The following CSTF2T variants were observed in gnomAD, a reference collection of about 807,000 sequenced individuals.
The protein encoded by CSTF2T is CF-1 64 kDa subunit tau.
CSTF2T carries 18 observed loss-of-function variants against 39.9 expected under a neutral mutation model. The observed-to-expected ratio is 0.45, with a 90% CI of 0.31 to 0.67. The LOEUF (loss-of-function observed/expected upper bound fraction) is 0.67, where lower values mean the gene tolerates loss of function less well. Ranked by LOEUF, CSTF2T falls within the 30% of genes least tolerant of loss-of-function variation. The pLI is 0.06. For missense variants in CSTF2T, 681 were observed against 789.0 expected, an observed-to-expected ratio of 0.86 and a Z score of 1.64; for synonymous variants, 291 against 276.4, an observed-to-expected ratio of 1.05 and a Z score of -0.52.
At position 51,698,231 on chromosome 10, in the gene CSTF2T, G is replaced by A; in HGVS notation, c.1319C>T (p.Thr440Ile). 2 of 1,613,992 alleles carry A rather than the reference G, an allele frequency of 1.2e-6. No individual in the cohort carries two copies. The highest frequency in any genetic ancestry group is 1.3e-5 in the African/African-American group (1 of 74,968). Residue 440 changes from threonine to isoleucine, a missense_variant, in exon 1 of 1, where the codon ACC becomes ATC. Physicochemically the swap from Thr to Ile is moderately conservative, Grantham distance 89 (BLOSUM62 -1). This residue lies in a region of CSTF2T where 282 missense variants were observed against 289.2 expected (regional missense o/e 0.98). Coordinates refer to ENST00000331173, the MANE Select transcript of CSTF2T (RefSeq NM_015235.3). ...TRVMERRGME[T>I]CAMETRGMEA... ...CATCCCTCTGGTTTCCATCGCACAG[G>A]TCTCCATTCCTCTCCTCTCCATTAC...
Position 51,699,526 on chromosome 10 carries a change from GTC to G in CSTF2T, c.22_23del (p.Asp8ProfsTer18), listed in dbSNP as rs1841404869. The G allele has an allele frequency of 1.2e-6, 2 of 1,611,416 alleles. No homozygotes were observed. The highest frequency in any genetic ancestry group is 2.2e-5 in the East Asian group (1 of 44,872). On this transcript the variant is annotated frameshift_variant, in exon 1 of 1. Coordinates refer to ENST00000331173, the MANE Select transcript of CSTF2T (RefSeq NM_015235.3). LOFTEE classifies it high-confidence loss of function. The part of the protein sequence containing the change: MSSLAVR[D>X]PAMDRSLRSV... ...AACGCAGTGATCGATCCATTGCCGG[GTC>G]TCTCACCGCCAAACTCGACATGATT...
chr10:51,696,657 T>C lies in CSTF2T; in HGVS notation c.*1042A>G, dbSNP rs1216725091. 6.6e-6 allele frequency: 1 copy of C among 151,384 alleles called. No individual in the cohort carries two copies. The highest frequency in any genetic ancestry group is 1.5e-5 in the Non-Finnish European group (1 of 67,876). The allele number at this position is 151,384 out of a possible 1,614,324, so 9.4% of individuals were successfully genotyped here. A position where few individuals can be genotyped will look rare whatever the true frequency, so the allele number is the denominator to read the frequency against. ...ACATTAAACCAGGTGCAGTCCTTAA[T>C]TTCTCAGGTAACATAACTTTAGAAA... On this transcript the variant is annotated 3_prime_UTR_variant, in exon 1 of 1. Transcript: ENST00000331173.
Position 51,697,578 on chromosome 10 carries a change from A to G in CSTF2T, c.*121T>C. 1 of 940,970 alleles carries G rather than the reference A, an allele frequency of 1.1e-6. No homozygotes were observed. The highest frequency in any genetic ancestry group is 1.6e-6 in the Non-Finnish European group (1 of 625,190). The allele number at this position is 940,970 out of a possible 1,614,324, so 58.3% of individuals were successfully genotyped here. ...AAGAAAAAGAACAAAAAATAAGATT[A>G]GGTTCTAGGAGGAGGGAAACCCTAA... is the stretch of plus-strand genomic sequence containing the variant. On this transcript the variant is annotated 3_prime_UTR_variant, in exon 1 of 1. Coordinates refer to ENST00000331173, the MANE Select transcript of CSTF2T (RefSeq NM_015235.3).
chr10:51,696,544 T>C lies in CSTF2T; in HGVS notation c.*1155A>G, dbSNP rs1841297814. On this transcript the variant is annotated 3_prime_UTR_variant, in exon 1 of 1. Transcript: ENST00000331173. ...GAGCAGACTTAAGTAGCCTGGTTGATTTTAGATTTGTCACAGCAAAATCAT... is the reference window on the plus strand; with the variant it reads ...GAGCAGACTTAAGTAGCCTGGTTGACTTTAGATTTGTCACAGCAAAATCAT... 1 of 152,022 alleles carries C rather than the reference T, an allele frequency of 6.6e-6. No homozygotes were observed. Among genetic ancestry groups the C allele is most frequent in the Non-Finnish European group, 1.5e-5 (1 of 67,968 alleles). 9.4% of individuals were successfully genotyped at this position (152,022 alleles called of 1,614,324 possible).
rs1841326765 is a variant in CSTF2T at position 51,697,483 on chromosome 10, A to C, written c.*216T>G. On this transcript the variant is annotated 3_prime_UTR_variant, in exon 1 of 1. Transcript: ENST00000331173. ...ATCATGTTCAGAGTTATTTTAAAGTAACTTAAAGTGAACAGACGCACTCCC... is the reference window on the plus strand; with the variant it reads ...ATCATGTTCAGAGTTATTTTAAAGTCACTTAAAGTGAACAGACGCACTCCC... The C allele has an allele frequency of 2.1e-5, 12 of 570,576 alleles. 1 individual carries two copies. In the South Asian group the frequency reaches 2.8e-4, roughly 13 times the overall value. The allele number at this position is 570,576 out of a possible 1,614,324, so 35.3% of individuals were successfully genotyped here. A position where few individuals can be genotyped will look rare whatever the true frequency, so the allele number is the denominator to read the frequency against.
rs1841267117 is a variant in CSTF2T, at chr10:51,695,561, TCA to T, written c.*2136_*2137del. The T allele has an allele frequency of 6.6e-6, 1 of 152,304 alleles. No individual in the cohort carries two copies. Among genetic ancestry groups the T allele is most frequent in the African/African-American group, 2.4e-5 (1 of 41,572 alleles). The allele number at this position is 152,304 out of a possible 1,614,324, so 9.4% of individuals were successfully genotyped here. A position where few individuals can be genotyped will look rare whatever the true frequency, so the allele number is the denominator to read the frequency against. On this transcript the variant is annotated 3_prime_UTR_variant, in exon 1 of 1. Transcript: ENST00000331173. ...ACTAAAGACTAACATTTAATAATTTTCAGTTACAGCCCTTCAGTGAAAGCTTT... is the reference window on the plus strand; with the variant it reads ...ACTAAAGACTAACATTTAATAATTTTGTTACAGCCCTTCAGTGAAAGCTTT...
rs1177978393 is a variant in CSTF2T, at chr10:51,697,990, T to C, written c.1560A>G (p.Gly520=). The part of the protein sequence containing the change: ...GTGIQGTGMQ[G]AGIQGGGMQG... ...GCATCCCTCCTCCTTGTATGCCTGC[T>C]CCCTGCATGCCTGTTCCTTGTATGC... The change falls in exon 1 of 1, where the codon GGA becomes GGG. Residue 520 remains glycine (G), a synonymous_variant. Transcript: ENST00000331173. The C allele has an allele frequency of 6.2e-7, 1 of 1,611,196 alleles. No homozygotes were observed.
Position 51,698,279 on chromosome 10 carries a change from T to A in CSTF2T, c.1271A>T (p.Glu424Val), listed in dbSNP as rs781265932. 18 of 1,613,966 alleles carry A rather than the reference T, an allele frequency of 1.1e-5. No homozygotes were observed. Among genetic ancestry groups the A allele is most frequent in the Non-Finnish European group, 1.2e-5 (14 of 1,179,996 alleles). ...TACACGTGTCTCTAAGACCTCAGTT[T>A]CCATGGCACGAGTCTCCATCGCTCG... is the stretch of plus-strand genomic sequence containing the variant. Reference protein sequence around the residue: ...DSRAMETRAMETEVLETRVME... With the variant: ...DSRAMETRAMVTEVLETRVME... The change falls in exon 1 of 1, where the codon GAA becomes GTA. Residue 424 changes from glutamate (E) to valine (V), a missense_variant. By Grantham distance (121) the Glu-to-Val change is moderately radical. Around this residue, in one of 4 missense-constraint regions of CSTF2T, gnomAD observed 282 missense variants for 289.2 expected, o/e 0.98. Coordinates refer to ENST00000331173, the MANE Select transcript of CSTF2T (RefSeq NM_015235.3).
chr10:51,697,615 G>T lies in CSTF2T; in HGVS notation c.*84C>A. The stretch of plus-strand genomic sequence containing the variant: ...GAGGGAAACCCTAATCCAAGTGTGG[G>T]GATACAGAAGTCAGCTTTTTGCACC... On this transcript the variant is annotated 3_prime_UTR_variant, in exon 1 of 1. Transcript: ENST00000331173. 7.7e-7 allele frequency: 1 copy of T among 1,297,598 alleles called. No individual in the cohort carries two copies. The highest frequency in any genetic ancestry group is 1.1e-6 in the Non-Finnish European group (1 of 918,868). The allele number at this position is 1,297,598 out of a possible 1,614,324, so 80.4% of individuals were successfully genotyped here.
rs752948174 is a variant in CSTF2T, at chr10:51,699,543, T to G, written c.7A>C (p.Ser3Arg). Residue 3 changes from serine (S) to arginine (R), a missense_variant, in exon 1 of 1, where the codon AGT (serine) becomes CGT (arginine). Around this residue, in one of 4 missense-constraint regions of CSTF2T, gnomAD observed 65 missense variants for 134.2 expected, o/e 0.48. Transcript: ENST00000331173. ...ATTGCCGGGTCTCTCACCGCCAAAC[T>G]CGACATGATTCCGGTTGTGCAGACA... The part of the protein sequence containing the change: MS[S>R]LAVRDPAMDR... The G allele has an allele frequency of 2.1e-5, 33 of 1,608,288 alleles. No homozygotes were observed. The highest frequency in any genetic ancestry group is 2.7e-5 in the Non-Finnish European group (32 of 1,177,140).
At position 51,696,531 on chromosome 10, in the gene CSTF2T, G is replaced by A. The variant is rs1036394129; in HGVS notation, c.*1168C>T. On this transcript the variant is annotated 3_prime_UTR_variant, in exon 1 of 1. Coordinates refer to ENST00000331173, the MANE Select transcript of CSTF2T (RefSeq NM_015235.3). ...TTGGGTTTCATCAGAGCAGACTTAA[G>A]TAGCCTGGTTGATTTTAGATTTGTC... is the stretch of plus-strand genomic sequence containing the variant. 5 of 152,086 alleles carry A rather than the reference G, an allele frequency of 3.3e-5. No homozygotes were observed. The highest frequency in any genetic ancestry group is 7.4e-5 in the Non-Finnish European group (5 of 68,012). The allele number at this position is 152,086 out of a possible 1,614,324, so 9.4% of individuals were successfully genotyped here.
In CSTF2T at chr10:51,697,950, G is replaced by C; in HGVS notation, c.1600C>G (p.Gln534Glu). The change falls in exon 1 of 1, where the codon CAA (glutamine) becomes GAA (glutamate). Residue 534 changes from glutamine (Q) to glutamate (E), a missense_variant. This residue lies in a region of CSTF2T where 282 missense variants were observed against 289.2 expected (regional missense o/e 0.98). Transcript: ENST00000331173. Reference sequence around the variant, plus strand: ...CCTCCTCCTTGTATACTGACTCCTTGTATGCCTGCCCCCTGCATCCCTCCT... The same window carrying C: ...CCTCCTCCTTGTATACTGACTCCTTCTATGCCTGCCCCCTGCATCCCTCCT... Reference protein sequence around the residue: ...QGGGMQGAGIQGVSIQGGGIQ... With the variant: ...QGGGMQGAGIEGVSIQGGGIQ... 6.3e-7 allele frequency: 1 copy of C among 1,598,714 alleles called. No homozygotes were observed.
chr10:51,698,913 G>GGCCAGT lies in CSTF2T; in HGVS notation c.636_637insACTGGC (p.Gly212_Pro213insThrGly), dbSNP rs760675594. ...AGCCCAGGGCCAGGGCCAGGGCCAG[G>GGCCAGT]GCCAGAGACAGACACAGACTGAGAT... is the stretch of plus-strand genomic sequence containing the variant. On this transcript the variant is annotated inframe_insertion, in exon 1 of 1. Coordinates refer to ENST00000331173, the MANE Select transcript of CSTF2T (RefSeq NM_015235.3). 4 of 1,614,090 alleles carry GGCCAGT rather than the reference G, an allele frequency of 2.5e-6. No individual in the cohort carries two copies. In the African/African-American group the frequency reaches 5.3e-5, roughly 22 times the overall value.
Position 51,696,311 on chromosome 10 carries a change from G to A in CSTF2T, c.*1388C>T, listed in dbSNP as rs562734741. On this transcript the variant is annotated 3_prime_UTR_variant, in exon 1 of 1. Transcript: ENST00000331173. ...GAGCAAATGGACACCATCTGTATAA[G>A]AAAGCCAGATACCAAGAAACTGAGA... 17 of 151,316 alleles carry A rather than the reference G, an allele frequency of 1.1e-4. No homozygotes were observed. The South Asian group carries it at 3.4e-3, about 30-fold the overall frequency. The allele number at this position is 151,316 out of a possible 1,614,324, so 9.4% of individuals were successfully genotyped here.
rs750527976 is a variant in CSTF2T, at chr10:51,698,903, CCAGGGCCAGGGCCAGAGA to C, written c.629_646del (p.Val210_Pro215del). ...TCCTGGGCAGAGCCCAGGGCCAGGG[CCAGGGCCAGGGCCAGAGA>C]CAGACACAGACTGAGATTTGCCTGG... On this transcript the variant is annotated inframe_deletion, in exon 1 of 1. Coordinates refer to ENST00000331173, the MANE Select transcript of CSTF2T (RefSeq NM_015235.3). The C allele has an allele frequency of 4.3e-6, 7 of 1,613,638 alleles. No individual in the cohort carries two copies. The Admixed American group carries it at 1.0e-4, about 23-fold the overall frequency.
rs1841374603 is a variant in CSTF2T, at chr10:51,698,655, G to T, written c.895C>A (p.Pro299Thr). 6.2e-7 allele frequency: 1 copy of T among 1,614,032 alleles called. No homozygotes were observed. Among genetic ancestry groups the T allele is most frequent in the African/African-American group, 1.3e-5 (1 of 74,924 alleles). ...ATCTGCACTTGTCCCCGCTCTAAAG[G>T]CACTGGGCCAACCCCTGGCATTCCA... ...QLGMPGVGPV[P>T]LERGQVQMSD... The change falls in exon 1 of 1, where the codon CCT becomes ACT. Residue 299 changes from proline to threonine, a missense_variant. This residue lies in a region of CSTF2T where 329 missense variants were observed against 344.1 expected (regional missense o/e 0.96). Transcript: ENST00000331173.
Position 51,699,347 on chromosome 10 carries a change from TC to T in CSTF2T, c.202del (p.Glu68ArgfsTer34). The T allele has an allele frequency of 1.2e-6, 2 of 1,614,146 alleles. No individual in the cohort carries two copies. Among genetic ancestry groups the T allele is most frequent in the Non-Finnish European group, 1.7e-6 (2 of 1,180,030 alleles). Reference protein sequence around the residue: ...GYGFCEYQDQETALSAMRNLN... With the variant: ...GYGFCEYQDQXTALSAMRNLN... ...GTTCCGCATGGCACTAAGCGCGGTC[TC>T]CTGGTCTTGGTATTCGCAGAAGCCA... On this transcript the variant is annotated frameshift_variant, in exon 1 of 1. Transcript: ENST00000331173. LOFTEE classifies it high-confidence loss of function.
In CSTF2T at chr10:51,698,990, G is replaced by A; in HGVS notation, c.560C>T (p.Ala187Val). 1 of 1,614,238 alleles carries A rather than the reference G, an allele frequency of 6.2e-7. No homozygotes were observed. The highest frequency in any genetic ancestry group is 8.5e-7 in the Non-Finnish European group (1 of 1,180,046). Residue 187 changes from alanine (A) to valine (V), a missense_variant, in exon 1 of 1, where the codon GCT (alanine) becomes GTT (valine). By Grantham distance (64) the Ala-to-Val change is moderately conservative. Around this residue, in one of 4 missense-constraint regions of CSTF2T, gnomAD observed 329 missense variants for 344.1 expected, o/e 0.96. Transcript: ENST00000331173. ...VVMRIMDPEI[A>V]LKILHRKIHV... ...TATCTTCCGATGCAGAATTTTCAGA[G>A]CAATCTCTGGATCCATGATTCTCAT...
rs764364012 is a variant in CSTF2T at position 51,699,586 on chromosome 10, C to A, written c.-37G>T. 7.6e-6 allele frequency: 12 copies of A among 1,577,058 alleles called. No individual in the cohort carries two copies. The highest frequency in any genetic ancestry group is 5.8e-5 in the South Asian group (5 of 85,538). ...TGCAGACAGCCGATAGCGGATTCTT[C>A]GAGGCGTCTGTCCTCTTGCGACCGA... On this transcript the variant is annotated 5_prime_UTR_variant, in exon 1 of 1. Coordinates refer to ENST00000331173, the MANE Select transcript of CSTF2T (RefSeq NM_015235.3).
Sources: allele counts gnomAD v4.1 joint callset, GRCh38; gene constraint gnomAD v4.1.1; regional missense constraint gnomAD v4.1.1; transcripts MANE v1.5; gene names NCBI Gene and HGNC (gene_info 2026-07-23, HGNC 2026-07-21).